Variants in SLC39A12 observed in about 807,000 individuals in gnomAD.
SLC39A12 encodes the protein solute carrier family 39 member 12, also known as zinc transporter ZIP12.
In SLC39A12, 63 loss-of-function variants were observed where a neutral mutation model predicts 71.1. The observed-to-expected ratio is 0.89, with a 90% CI of 0.72 to 1.09. The LOEUF is 1.09. SLC39A12 is among the 50% of genes least tolerant of loss of function. The pLI is 0.00. For synonymous variants in SLC39A12, 351 were observed against 301.3 expected, an observed-to-expected ratio of 1.16 and a Z score of -1.71; for missense variants, 892 against 812.6, an observed-to-expected ratio of 1.10 and a Z score of -1.19.
chr10:18,011,795 G>A (rs1221353050), intron 12 of SLC39A12, among the ~76,000 whole-genome samples: 1 of 152,134 alleles, frequency 6.6e-6, no homozygotes, highest in Non-Finnish European at 1.5e-5. Context: ...ATAACTCACA[G>A]TTTTCAAAAA....
rs926424864 is a variant in SLC39A12 at position 17,974,040 on chromosome 10, C to T, written c.752-3862C>T. Among the ~76,000 whole-genome samples, 5 of 151,244 alleles carry T rather than the reference C, an allele frequency of 3.3e-5. No homozygotes were observed. The East Asian group carries it at 9.7e-4, about 29-fold the overall frequency. ...TCAGTATGCCAGTTGCATTTTTTAG[C>T]TCCAGAATTTTTTAAATTATTTTTA... is the stretch of plus-strand genomic sequence containing the variant. On this transcript the variant is annotated intron_variant, in intron 4 of 12. Coordinates refer to ENST00000377369, the MANE Select transcript of SLC39A12 (RefSeq NM_001145195.2).
At chr10:17,982,412 G>C (rs1201909824) in intron 6 of SLC39A12, among the ~76,000 whole-genome samples, 1 of 152,184 alleles carries the variant, frequency 6.6e-6, no homozygotes, top group Non-Finnish European at 1.5e-5. Flanking sequence ...CCATTGATCT[G>C]AGAGCCTTAG....
At chr10:17,969,508 T>C (rs1335960137) in intron 4 of SLC39A12, among the ~76,000 whole-genome samples, 1 of 152,204 alleles carries the variant, frequency 6.6e-6, no homozygotes, top group African/African-American at 2.4e-5. Flanking sequence ...TTATATTTCA[T>C]TGTAGTTTTG....
At chr10:18,009,200 A>T (rs998103751) in intron 12 of SLC39A12, among the ~76,000 whole-genome samples, 1 of 152,252 alleles carries the variant, frequency 6.6e-6, no homozygotes, top group East Asian at 1.9e-4. Flanking sequence ...AGGACTATAG[A>T]AACCTCAAGG....
Position 18,042,969 on chromosome 10 carries a change from T to C in SLC39A12, c.*136T>C, listed in dbSNP as rs1837302119. On this transcript the variant is annotated 3_prime_UTR_variant, in exon 13 of 13. Transcript: ENST00000377369. ...GTGTCTCTTTCAATTCATTAACTTA[T>C]TAATTTTATAATGCAGTTTTATTTT... is the stretch of plus-strand genomic sequence containing the variant. The C allele has an allele frequency of 3.2e-6, 2 of 634,552 alleles. No individual in the cohort carries two copies. The highest frequency in any genetic ancestry group is 4.6e-6 in the Non-Finnish European group (2 of 432,894). The allele number at this position is 634,552 out of a possible 1,614,324, so 39.3% of individuals were successfully genotyped here. A position where few individuals can be genotyped will look rare whatever the true frequency, so the allele number is the denominator to read the frequency against.
intron 12 of SLC39A12, among the ~76,000 whole-genome samples, chr10:18,038,079 A>G (rs1250134731): frequency 7.0e-6 from 1 of 143,040 alleles, no homozygotes; most frequent in African/African-American, 2.7e-5. Flanking sequence ...GCAAGTTATC[A>G]TAGGGTCCAT....
intron 12 of SLC39A12, among the ~76,000 whole-genome samples, chr10:18,033,678 C>G (rs1349673317): frequency 7.0e-6 from 1 of 142,942 alleles, no homozygotes; most frequent in Admixed American, 7.1e-5. Flanking sequence ...TTAGTTATTT[C>G]TTGCCTTCTG....
At chr10:18,034,915 T>G (rs1303859780) in intron 12 of SLC39A12, among the ~76,000 whole-genome samples, 1 of 152,072 alleles carries the variant, frequency 6.6e-6, no homozygotes, top group Non-Finnish European at 1.5e-5. Flanking sequence ...GAAGCTTAAT[T>G]TGGCTGGATA....
chr10:17,962,600 G>T (rs1834720261), intron 3 of SLC39A12, among the ~76,000 whole-genome samples: 1 of 151,700 alleles, frequency 6.6e-6, no homozygotes, highest in East Asian at 1.9e-4. Context: ...ACATTTTGAA[G>T]AGTATGGGGA....
intron 10 of SLC39A12, among the ~76,000 whole-genome samples, chr10:17,996,922 CGGGAGGCGGAGCTTGCA>C (rs1056694029): frequency 1.7e-4 from 25 of 148,606 alleles, no homozygotes; most frequent in African/African-American, 4.2e-4. Context: ...GGCGTGAACC[CGGGAGGCGGAGCTTGCA>C]GGGAGGCGGA....
intron 11 of SLC39A12, chr10:18,002,755 C>A (rs1035050558): frequency 6.5e-6 from 1 of 153,904 alleles, no homozygotes; most frequent in Admixed American, 6.5e-5. Flanking sequence ...CTCCCCACAG[C>A]AGTTTCTGCA....
chr10:17,977,588 C>G (rs1835141754), intron 4 of SLC39A12, among the ~76,000 whole-genome samples: 1 of 152,100 alleles, frequency 6.6e-6, no homozygotes, highest in Non-Finnish European at 1.5e-5. Flanking sequence ...TGCATATACA[C>G]TTAAAAGGAA....
chr10:17,996,738 C>T (rs1835692964), intron 10 of SLC39A12, among the ~76,000 whole-genome samples: 2 of 152,172 alleles, frequency 1.3e-5, no homozygotes, highest in South Asian at 4.1e-4. Flanking sequence ...TGGCTCACGC[C>T]TGTAATCCCA....
chr10:17,980,912 A>G (rs946385906), intron 5 of SLC39A12, among the ~76,000 whole-genome samples: 8 of 152,310 alleles, frequency 5.3e-5, no homozygotes, highest in African/African-American at 1.7e-4. Flanking sequence ...TGACCTCATT[A>G]CCATAGGACT....
At chr10:18,038,493 A>C (rs1837126239) in intron 12 of SLC39A12, among the ~76,000 whole-genome samples, 1 of 152,010 alleles carries the variant, frequency 6.6e-6, no homozygotes, top group Non-Finnish European at 1.5e-5. Context: ...TCTACTAAAA[A>C]CACAAAATAT....
At chr10:18,024,613 T>C (rs1481390731) in intron 12 of SLC39A12, among the ~76,000 whole-genome samples, 1 of 152,206 alleles carries the variant, frequency 6.6e-6, no homozygotes, top group African/African-American at 2.4e-5. Flanking sequence ...CTTGCCACTC[T>C]ATGTCTTCTC....
At position 17,977,930 on chromosome 10, in the gene SLC39A12, G is replaced by T. The variant is rs1215897402; in HGVS notation, c.780G>T (p.Trp260Cys). Residue 260 changes from tryptophan (W) to cysteine (C), a missense_variant, in exon 5 of 13, where the codon TGG becomes TGT. By Grantham distance (215) the Trp-to-Cys change is radical (BLOSUM62 -2). Coordinates refer to ENST00000377369, the MANE Select transcript of SLC39A12 (RefSeq NM_001145195.2). ...SELDQLLNTL[W>C]TRSTCIKNEK... ...TAGACCAACTCCTCAACACTCTCTG[G>T]ACCAGAAGTACTTGTATCAAAAATG... 6.2e-7 allele frequency: 1 copy of T among 1,608,006 alleles called. No homozygotes were observed. Among genetic ancestry groups the T allele is most frequent in the Admixed American group, 1.7e-5 (1 of 58,706 alleles).
At chr10:18,016,388 G>A (rs1206434841) in intron 12 of SLC39A12, among the ~76,000 whole-genome samples, 1 of 151,944 alleles carries the variant, frequency 6.6e-6, no homozygotes, top group Non-Finnish European at 1.5e-5. Context: ...TTTCTTTTTA[G>A]TGCTGAATAA....
chr10:18,038,857 T>C, intron 12 of SLC39A12, among the ~76,000 whole-genome samples: 1 of 152,118 alleles, frequency 6.6e-6, no homozygotes, highest in South Asian at 2.1e-4. Context: ...TTCCTGGAAG[T>C]GTGAGGCAAA....
Sources: gnomAD v4.1 joint callset for allele counts (sites outside exome capture counted in the v4.1 genomes callset) on GRCh38, gnomAD v4.1.1 for gene constraint, MANE v1.5 for transcripts, NCBI Gene and HGNC (gene_info 2026-07-23, HGNC 2026-07-21) for gene names.